Variants in GRAMD2B observed in about 807,000 individuals in gnomAD.
GRAMD2B encodes the protein GRAM domain containing 2B.
A neutral mutation model predicts 59.2 loss-of-function variants in GRAMD2B; 41 were observed. That is an observed-to-expected ratio of 0.69 (90% CI 0.54 to 0.90). GRAMD2B has a LOEUF of 0.90. GRAMD2B is among the 40% of genes least tolerant of loss of function. GRAMD2B has a pLI of 0.00. For missense variants in GRAMD2B, 424 were observed against 500.5 expected (o/e 0.85, Z 1.46); for synonymous variants, 161 against 182.7 (o/e 0.88, Z 0.96).
chr5:126,379,966 T>C (rs1755524192), intron 1 of GRAMD2B, among the ~76,000 whole-genome samples: 1 of 152,238 alleles, frequency 6.6e-6, no homozygotes, highest in South Asian at 2.1e-4. Flanking sequence ...GGGTTCTTAG[T>C]CATGAAGCCT....
chr5:126,403,807 A>G (rs749479141), intron 1 of GRAMD2B, among the ~76,000 whole-genome samples: 1 of 151,888 alleles, frequency 6.6e-6, no homozygotes, highest in African/African-American at 2.4e-5. Context: ...GGTCAGAAAG[A>G]TTTTCTAAAT....
At chr5:126,379,795 T>C (rs1209694390) in intron 1 of GRAMD2B, among the ~76,000 whole-genome samples, 2 of 152,200 alleles carry the variant, frequency 1.3e-5, no homozygotes, top group African/African-American at 4.8e-5. Flanking sequence ...TCCTTGTACA[T>C]TCTGGATATC....
chr5:126,455,100 T>C (rs561943960), intron 1 of GRAMD2B, among the ~76,000 whole-genome samples: 1 of 152,278 alleles, frequency 6.6e-6, no homozygotes, highest in Admixed American at 6.5e-5. Context: ...CATTCCAATG[T>C]TGTCTCTGGA....
chr5:126,398,226 G>A (rs980574493), intron 1 of GRAMD2B, among the ~76,000 whole-genome samples: 3 of 151,558 alleles, frequency 2.0e-5, no homozygotes, highest in Admixed American at 6.6e-5. Flanking sequence ...TCTCTATGTT[G>A]CCCAGGCTGG....
At chr5:126,489,975 TGTTA>T (rs1320305349) in intron 13 of GRAMD2B, among the ~76,000 whole-genome samples, 24 of 152,322 alleles carry the variant, frequency 1.6e-4, no homozygotes, top group East Asian at 1.2e-3. Context: ...CTACACTCAG[TGTTA>T]GTTAGTATTT....
intron 1 of GRAMD2B, among the ~76,000 whole-genome samples, chr5:126,365,706 T>TA (rs1281788611): frequency 2.0e-5 from 3 of 146,942 alleles, no homozygotes; most frequent in African/African-American, 7.4e-5. Flanking sequence ...AATCAGAGCT[T>TA]TTTTTTTTTT....
At chr5:126,364,583 T>C (rs1019677568) in intron 1 of GRAMD2B, among the ~76,000 whole-genome samples, 1 of 152,210 alleles carries the variant, frequency 6.6e-6, no homozygotes, top group African/African-American at 2.4e-5. Flanking sequence ...CAAAGCAGCA[T>C]GATGTGAAGA....
chr5:126,469,244 G>A (rs1046294759), intron 2 of GRAMD2B, among the ~76,000 whole-genome samples: 3 of 152,166 alleles, frequency 2.0e-5, no homozygotes, highest in Non-Finnish European at 4.4e-5. Context: ...AATATTCTCA[G>A]AGTATCATGA....
intron 1 of GRAMD2B, chr5:126,462,546 G>A: frequency 2.2e-6 from 1 of 460,554 alleles, no homozygotes; most frequent in Non-Finnish European, 2.9e-6. Context: ...ACTCGTAGAT[G>A]AATTTCACTT....
intron 1 of GRAMD2B, among the ~76,000 whole-genome samples, chr5:126,437,797 T>C (rs1762656390): frequency 6.6e-6 from 1 of 152,058 alleles, no homozygotes; most frequent in African/African-American, 2.4e-5. Flanking sequence ...CATTTGGAAA[T>C]AGAGAAATCA....
chr5:126,379,950 G>T (rs984953641), intron 1 of GRAMD2B, among the ~76,000 whole-genome samples: 1 of 152,080 alleles, frequency 6.6e-6, no homozygotes, highest in African/African-American at 2.4e-5. Flanking sequence ...TGTTGCATTG[G>T]CTTTTGGGTT....
At chr5:126,416,502 T>C (rs139928484) in intron 1 of GRAMD2B, among the ~76,000 whole-genome samples, 3 of 152,324 alleles carry the variant, frequency 2.0e-5, no homozygotes, top group Admixed American at 2.0e-4. Context: ...AACTAGACTC[T>C]GTGAACACAG....
At chr5:126,373,861 C>G (rs1026355460) in intron 1 of GRAMD2B, among the ~76,000 whole-genome samples, 1 of 152,046 alleles carries the variant, frequency 6.6e-6, no homozygotes, top group East Asian at 1.9e-4. Context: ...GAGGAAACTG[C>G]GAAGAGTGGC....
rs73330499 is a variant in GRAMD2B at position 126,371,661 on chromosome 5, T to C, written c.125+94T>C. On this transcript the variant is annotated intron_variant, in intron 1 of 8. Transcript: ENST00000506445. Reference sequence around the variant, plus strand: ...CCTTGGAGAGCTCCTTTTTCATTCCTGGAGGTAGGGATCAGCCATGGGAAG... The same window carrying C: ...CCTTGGAGAGCTCCTTTTTCATTCCCGGAGGTAGGGATCAGCCATGGGAAG... The C allele has an allele frequency of 2.0e-3, 2,143 of 1,093,736 alleles. 30 individuals carry two copies. In the African/African-American group the frequency reaches 0.03, roughly 16 times the overall value. 67.8% of individuals were successfully genotyped at this position (1,093,736 alleles called of 1,614,324 possible).
At chr5:126,392,325 C>T (rs1435720013) in intron 1 of GRAMD2B, among the ~76,000 whole-genome samples, 1 of 152,124 alleles carries the variant, frequency 6.6e-6, no homozygotes, top group African/African-American at 2.4e-5. Context: ...GGGAAAGACA[C>T]AAGTGGAGTC....
At chr5:126,470,615 G>A (rs965681892) in intron 3 of GRAMD2B, among the ~76,000 whole-genome samples, 2 of 151,884 alleles carry the variant, frequency 1.3e-5, no homozygotes, top group African/African-American at 4.8e-5. Flanking sequence ...CTGGAGTGCA[G>A]TGCCACAATC....
intron 13 of GRAMD2B, among the ~76,000 whole-genome samples, chr5:126,491,876 GGCATC>G (rs1273286899): frequency 6.6e-6 from 1 of 152,074 alleles, no homozygotes; most frequent in East Asian, 1.9e-4. Context: ...TGGGATTACA[GGCATC>G]TGCCACCACA....
At chr5:126,416,181 C>T (rs567569950) in intron 1 of GRAMD2B, among the ~76,000 whole-genome samples, 46 of 152,226 alleles carry the variant, frequency 3.0e-4, no homozygotes, top group African/African-American at 8.7e-4. Flanking sequence ...GGACTTGCTC[C>T]GGGTCTAAAC....
At position 126,386,703 on chromosome 5, in the gene GRAMD2B, C is replaced by T. The variant is rs368428332; in HGVS notation, c.125+15136C>T. 1.3e-4 allele frequency among the ~76,000 whole-genome samples: 20 copies of T among 152,316 alleles called. No homozygotes were observed. The South Asian group carries it at 1.4e-3, about 11-fold the overall frequency. ...TGAATCACAACTCTGCCACTTACTGCGCCACCTTAGCCCCATTAACTAATC... is the reference window on the plus strand; with the variant it reads ...TGAATCACAACTCTGCCACTTACTGTGCCACCTTAGCCCCATTAACTAATC... On this transcript the variant is annotated intron_variant, in intron 1 of 8. Coordinates refer to the GRAMD2B transcript ENST00000506445.
Sources: gnomAD v4.1 joint callset for allele counts (sites outside exome capture counted in the v4.1 genomes callset) on GRCh38, gnomAD v4.1.1 for gene constraint, MANE v1.5 for transcripts, NCBI Gene and HGNC (gene_info 2026-07-23, HGNC 2026-07-21) for gene names.